GSN: variants seen among roughly 807,000 people sequenced by gnomAD.
The protein encoded by GSN is actin-depolymerizing factor.
In GSN, 56 loss-of-function variants were observed where a neutral mutation model predicts 85.7. The observed-to-expected ratio is 0.65, with a 90% CI of 0.53 to 0.82. The LOEUF is 0.82. Among genes scored for constraint, GSN ranks in the 40% least tolerant of loss-of-function variants. GSN has a pLI of 0.00. For missense variants in GSN, 857 were observed against 979.8 expected (o/e 0.87, Z 1.67); for synonymous variants, 373 against 399.1 (o/e 0.93, Z 0.78).
At chr9:121,215,902 A>G (rs1486009830) in intron 4 of GSN, among the ~76,000 whole-genome samples, 2 of 152,162 alleles carry the variant, frequency 1.3e-5, no homozygotes, top group African/African-American at 4.8e-5. Flanking sequence ...TAATTTATTA[A>G]CTGTTAGAAT....
In GSN at chr9:121,332,519, C is replaced by A. The variant is rs1162016970; in HGVS notation, c.2112C>A (p.Ser704=). 6.2e-7 allele frequency: 1 copy of A among 1,613,938 alleles called. No individual in the cohort carries two copies. Among genetic ancestry groups the A allele is most frequent in the Non-Finnish European group, 8.5e-7 (1 of 1,179,944 alleles). ...TGAAGCAAGGCTTTGAGCCTCCCTC[C>A]TTTGTGGGCTGGTTCCTTGGCTGGG... The part of the protein sequence containing the change: ...TVVKQGFEPP[S]FVGWFLGWDD... Residue 704 remains serine, a synonymous_variant, in exon 18 of 18, where the codon TCC becomes TCA. Coordinates refer to ENST00000432226, the MANE Select transcript of GSN (RefSeq NM_198252.3). The surrounding 1 kb of genome is among the most constrained non-coding windows in gnomAD (Gnocchi z 4.8).
intron 4 of GSN, among the ~76,000 whole-genome samples, chr9:121,307,070 A>G (rs2060496354): frequency 6.6e-6 from 1 of 152,032 alleles, no homozygotes; most frequent in Non-Finnish European, 1.5e-5. Context: ...AATCTCAGCG[A>G]CTCAGGAGGC....
In GSN at chr9:121,302,128, AG is replaced by A. The variant is rs368868605; in HGVS notation, c.159del (p.Asn54ThrfsTer35). The A allele has an allele frequency of 1.2e-6, 2 of 1,614,192 alleles. No homozygotes were observed. On this transcript the variant is annotated frameshift_variant, in exon 3 of 18. Transcript: ENST00000432226. LOFTEE classifies it high-confidence loss of function. ...AYVILKTVQL[R>X]NGNLQYDLHY... ...CGTCATCCTGAAGACAGTGCAGCTG[AG>A]GAACGGAAATCTGCAGTATGACCTC...
At chr9:121,225,393 C>A (rs10985184) in intron 4 of GSN, among the ~76,000 whole-genome samples, 12,498 of 152,208 alleles carry the variant, frequency 0.082, 688 homozygotes, top group Admixed American at 0.18. Flanking sequence ...ACTTGTCAGG[C>A]CAATTATAGG....
chr9:121,267,700 C>T (rs1387484890), upstream of GSN, among the ~76,000 whole-genome samples: 1 of 152,192 alleles, frequency 6.6e-6, no homozygotes, highest in Non-Finnish European at 1.5e-5. Flanking sequence ...TATTCCCTTC[C>T]GTGGGAGGGA....
At chr9:121,326,706 AGAAG>A in intron 13 of GSN, 24 bp downstream of exon 13, 1 of 1,602,940 alleles carries the variant, frequency 6.2e-7, no homozygotes, top group Non-Finnish European at 8.5e-7. Context: ...CCTGGAACAC[AGAAG>A]GGATTGGCCT....
intron 4 of GSN, among the ~76,000 whole-genome samples, chr9:121,212,820 A>AT (rs1009770136): frequency 7.3e-5 from 11 of 150,948 alleles, no homozygotes; most frequent in Admixed American, 2.0e-4. Flanking sequence ...ATTTTTGTAT[A>AT]TTTTTTTTAG....
intron 6 of GSN, among the ~76,000 whole-genome samples, chr9:121,260,395 CA>C (rs2055056703): frequency 6.6e-6 from 1 of 152,218 alleles, no homozygotes; most frequent in African/African-American, 2.4e-5. Flanking sequence ...GAAGTGATTG[CA>C]TTTGCACTGT....
chr9:121,225,255 C>G (rs1028534586), intron 4 of GSN, among the ~76,000 whole-genome samples: 1 of 127,568 alleles, frequency 7.8e-6, no homozygotes. Flanking sequence ...GTCTACATGA[C>G]AAAACAAAAA....
At chr9:121,227,310 C>T (rs2054288977) in intron 4 of GSN, among the ~76,000 whole-genome samples, 1 of 151,924 alleles carries the variant, frequency 6.6e-6, no homozygotes, top group Non-Finnish European at 1.5e-5. Flanking sequence ...AGGAGGATTG[C>T]TTGAACCCAG....
chr9:121,226,718 C>T lies in GSN; in HGVS notation c.-527-4447C>T, dbSNP rs138912130. On this transcript the variant is annotated intron_variant, in intron 4 of 24. Transcript: ENST00000373823. Reference sequence around the variant, plus strand: ...AGCTCCTGACACAGAACTCCTAATTCCTTGGAATTTCCTAGGTAATAGGGG... The same window carrying T: ...AGCTCCTGACACAGAACTCCTAATTTCTTGGAATTTCCTAGGTAATAGGGG... 4.4e-3 allele frequency among the ~76,000 whole-genome samples: 666 copies of T among 152,258 alleles called. 9 individuals are homozygous for T. Among genetic ancestry groups the T allele is most frequent in the African/African-American group, 0.015 (638 of 41,542 alleles).
chr9:121,296,283 T>C (rs1031923346), intron 2 of GSN, among the ~76,000 whole-genome samples: 1 of 152,120 alleles, frequency 6.6e-6, no homozygotes, highest in Non-Finnish European at 1.5e-5. Context: ...CTCTTTCCAG[T>C]TGAGTGACTT....
In GSN at chr9:121,301,783, G is replaced by T. The variant is rs970777193; in HGVS notation, c.-9-180G>T. On this transcript the variant is annotated intron_variant, in intron 2 of 17. Coordinates refer to ENST00000432226, the MANE Select transcript of GSN (RefSeq NM_198252.3). ...ACAGGTTTTGAAGCATAAAACTCTT[G>T]CCCTGTTTGCTGACTCGTTGAGACA... 1.0e-5 allele frequency: 9 copies of T among 864,092 alleles called. No homozygotes were observed. In the African/African-American group the frequency reaches 1.3e-4, roughly 13 times the overall value. 53.5% of individuals were successfully genotyped at this position (864,092 alleles called of 1,614,324 possible). A position where few individuals can be genotyped will look rare whatever the true frequency, so the allele number is the denominator to read the frequency against.
chr9:121,306,908 C>T (rs373154510), intron 4 of GSN, among the ~76,000 whole-genome samples: 4 of 152,304 alleles, frequency 2.6e-5, no homozygotes, highest in Non-Finnish European at 4.4e-5. Context: ...AGGCCGGGTG[C>T]GGTGGCTCAC....
At chr9:121,232,912 A>G (rs902246890) in intron 5 of GSN, among the ~76,000 whole-genome samples, 1 of 152,224 alleles carries the variant, frequency 6.6e-6, no homozygotes, top group Non-Finnish European at 1.5e-5. Context: ...TACAATTCAG[A>G]GGAACCATTG....
chr9:121,237,633 A>T (rs116254333), intron 5 of GSN, among the ~76,000 whole-genome samples: 3 of 152,214 alleles, frequency 2.0e-5, no homozygotes, highest in African/African-American at 7.2e-5. Flanking sequence ...AACCACAGGC[A>T]CATCAACAAC....
In GSN at chr9:121,313,452, G is replaced by A. The variant is rs972159814; in HGVS notation, c.664-482G>A. 1.3e-5 allele frequency: 3 copies of A among 230,586 alleles called. No homozygotes were observed. In the Admixed American group the frequency reaches 1.5e-4, roughly 12 times the overall value. 14.3% of individuals were successfully genotyped at this position (230,586 alleles called of 1,614,324 possible). A position where few individuals can be genotyped will look rare whatever the true frequency, so the allele number is the denominator to read the frequency against. ...GGGAGGGACAGTGGGAGTGAAAATAGGCTCTGAAGCCACAGGGATGGAGGT... is the reference window on the plus strand; with the variant it reads ...GGGAGGGACAGTGGGAGTGAAAATAAGCTCTGAAGCCACAGGGATGGAGGT... On this transcript the variant is annotated intron_variant, in intron 6 of 17. Coordinates refer to ENST00000432226, the MANE Select transcript of GSN (RefSeq NM_198252.3).
chr9:121,251,703 A>C (rs1291214015), intron 6 of GSN, among the ~76,000 whole-genome samples: 2 of 152,160 alleles, frequency 1.3e-5, no homozygotes, highest in East Asian at 3.9e-4. Context: ...TCACACCTGT[A>C]ATCCCAGCAC....
intron 1 of GSN, among the ~76,000 whole-genome samples, chr9:121,279,075 G>A (rs1218769599): frequency 6.6e-6 from 1 of 152,136 alleles, no homozygotes; most frequent in Non-Finnish European, 1.5e-5. Context: ...TGGGGAGGCT[G>A]ACTTGCAAAT....
Sources: gnomAD v4.1 joint callset for allele counts (sites outside exome capture counted in the v4.1 genomes callset) on GRCh38, gnomAD v4.1.1 for gene constraint, Gnocchi (gnomAD v3.1) non-coding constraint, MANE v1.5 for transcripts, NCBI Gene and HGNC (gene_info 2026-07-23, HGNC 2026-07-21) for gene names.